WBP4: variants seen among roughly 807,000 people sequenced by gnomAD.
WBP4 encodes the protein WW domain binding protein 4.
WBP4 carries 37 observed loss-of-function variants against 55.4 expected under a neutral mutation model. The ratio of observed to expected loss-of-function variants is 0.67; its 90% CI spans 0.51 to 0.88. The LOEUF is 0.88. Ranked by LOEUF, WBP4 falls within the 40% of genes least tolerant of loss-of-function variation. WBP4 has a pLI of 0.00. For synonymous variants in WBP4, 142 were observed against 140.2 expected (o/e 1.01, Z -0.09); for missense variants, 398 against 420.8 (o/e 0.95, Z 0.47).
rs149213897 is a variant in WBP4 at position 41,070,441 on chromosome 13, C to T, written c.440-1086C>T. 1.5e-3 allele frequency among the ~76,000 whole-genome samples: 222 copies of T among 151,890 alleles called. 1 individual carries two copies. Among genetic ancestry groups the T allele is most frequent in the African/African-American group, 5.0e-3 (206 of 41,406 alleles). On this transcript the variant is annotated intron_variant, in intron 5 of 9. Coordinates refer to ENST00000379487, the MANE Select transcript of WBP4 (RefSeq NM_007187.5). ...GGTAAAACATGCAGTTCTTTGAAGA[C>T]GTCTTAGTAGAGTTAGACTGGAAGG... is the stretch of plus-strand genomic sequence containing the variant.
At position 41,074,178 on chromosome 13, in the gene WBP4, G is replaced by A. The variant is rs963623200; in HGVS notation, c.562+1321G>A. ...GATCTCCTGACCTCGTGATCCGCCC[G>A]CCTCGGCCTCCCAAAGTGCTGGGAT... On this transcript the variant is annotated intron_variant, in intron 7 of 9. Coordinates refer to ENST00000379487, the MANE Select transcript of WBP4 (RefSeq NM_007187.5). Among the ~76,000 whole-genome samples the A allele has an allele frequency of 9.9e-5, 15 of 152,144 alleles. No individual in the cohort carries two copies. In the South Asian group the frequency reaches 1.2e-3, roughly 13 times the overall value.
At chr13:41,071,966 C>G (rs1216006387) in intron 6 of WBP4, among the ~76,000 whole-genome samples, 1 of 151,044 alleles carries the variant, frequency 6.6e-6, no homozygotes, top group Non-Finnish European at 1.5e-5. Flanking sequence ...ATCACTGGGA[C>G]CTGGGGCGGC....
Position 41,068,665 on chromosome 13 carries a change from C to T in WBP4, c.367C>T (p.Pro123Ser). The T allele has an allele frequency of 6.2e-7, 1 of 1,613,614 alleles. No individual in the cohort carries two copies. Among genetic ancestry groups the T allele is most frequent in the Non-Finnish European group, 8.5e-7 (1 of 1,179,836 alleles). Residue 123 changes from proline (P) to serine (S), a missense_variant, in exon 5 of 10, where the codon CCT (proline) becomes TCT (serine). Coordinates refer to ENST00000379487, the MANE Select transcript of WBP4 (RefSeq NM_007187.5). ...AGAAAAGAAGAAAAGAAAAAAAGAT[C>T]CTTCAAAGGGCAGATGGGTAGAAGG... is the stretch of plus-strand genomic sequence containing the variant. ...KKEKKKRKKD[P>S]SKGRWVEGIT...
chr13:41,082,740 T>C lies in WBP4; in HGVS notation c.957T>C (p.Asn319=). The C allele has an allele frequency of 6.2e-7, 1 of 1,613,988 alleles. No individual in the cohort carries two copies. Among genetic ancestry groups the C allele is most frequent in the Non-Finnish European group, 8.5e-7 (1 of 1,179,968 alleles). The stretch of plus-strand genomic sequence containing the variant: ...ATTTGGAACTTCCAAGCACTGAAAA[T>C]GAGTATGTATCAACTTCAGAAGCTG... The part of the protein sequence containing the change: ...EVDLELPSTE[N]EYVSTSEADG... Residue 319 remains asparagine, a synonymous_variant, in exon 10 of 10, where the codon AAT becomes AAC. Transcript: ENST00000379487.
intron 5 of WBP4, among the ~76,000 whole-genome samples, chr13:41,069,300 G>A (rs892008029): frequency 1.3e-5 from 2 of 152,108 alleles, no homozygotes; most frequent in Admixed American, 6.6e-5. Flanking sequence ...GGCCGAGGAG[G>A]GTAGATCACT....
Position 41,076,092 on chromosome 13 carries a change from T to G in WBP4, c.611T>G (p.Leu204Arg), listed in dbSNP as rs770722566. 1 of 1,613,686 alleles carries G rather than the reference T, an allele frequency of 6.2e-7. No individual in the cohort carries two copies. Among genetic ancestry groups the G allele is most frequent in the Non-Finnish European group, 8.5e-7 (1 of 1,179,948 alleles). Residue 204 changes from leucine to arginine, a missense_variant, in exon 8 of 10, where the codon CTG becomes CGG. Coordinates refer to ENST00000379487, the MANE Select transcript of WBP4 (RefSeq NM_007187.5). The part of the protein sequence containing the change: ...PDDFIPHTSD[L>R]PSSKVNENSL... ...GATTTCATTCCACACACTAGTGATCTGCCTTCTAGTAAGGTCAATGAAAAT... is the reference window on the plus strand; with the variant it reads ...GATTTCATTCCACACACTAGTGATCGGCCTTCTAGTAAGGTCAATGAAAAT...
At chr13:41,067,859 C>T (rs1878043555) in intron 4 of WBP4, among the ~76,000 whole-genome samples, 1 of 151,766 alleles carries the variant, frequency 6.6e-6, no homozygotes. Flanking sequence ...TACAGAATAT[C>T]TTAATTTTTA....
chr13:41,077,772 A>G (rs780698039), intron 8 of WBP4, among the ~76,000 whole-genome samples: 10 of 152,324 alleles, frequency 6.6e-5, no homozygotes, highest in Middle Eastern at 3.4e-3. Context: ...GGATTTGATA[A>G]GTGACTTCAG....
intron 1 of WBP4, 53 bp from the exon 2 acceptor site, chr13:41,062,591 T>A: frequency 6.5e-7 from 1 of 1,536,904 alleles, no homozygotes; most frequent in Non-Finnish European, 8.9e-7. Context: ...CATGCAGAAT[T>A]TAACCTTTTT....
chr13:41,067,159 G>A (rs1017323562), intron 4 of WBP4, among the ~76,000 whole-genome samples: 1 of 151,978 alleles, frequency 6.6e-6, no homozygotes, highest in Non-Finnish European at 1.5e-5. Context: ...TTGCCATGTT[G>A]CCCAGGCTGA....
intron 7 of WBP4, among the ~76,000 whole-genome samples, chr13:41,073,999 C>T (rs187053855): frequency 9.3e-5 from 14 of 150,546 alleles, no homozygotes; most frequent in Admixed American, 2.6e-4. Flanking sequence ...GGCACAATCT[C>T]GGCTCACTGC....
chr13:41,064,930 T>C (rs1178529358), intron 2 of WBP4, 86 bp from the exon 3 acceptor site: 2 of 1,235,828 alleles, frequency 1.6e-6, no homozygotes, highest in Non-Finnish European at 2.2e-6. Context: ...TTTAATTTTC[T>C]CATGTTTATG....
intron 4 of WBP4, 66 bp from the exon 5 acceptor site, chr13:41,068,495 T>G: frequency 7.1e-7 from 1 of 1,413,034 alleles, no homozygotes; most frequent in Non-Finnish European, 9.4e-7. Flanking sequence ...ACATTAATGT[T>G]TTATGCCAGC....
chr13:41,064,989 T>C (rs753130024), intron 2 of WBP4, 27 bp from the exon 3 acceptor site: 5 of 1,533,562 alleles, frequency 3.3e-6, no homozygotes, highest in South Asian at 1.3e-5. Flanking sequence ...TAGTTTTCTT[T>C]TGTTATTTTC....
At chr13:41,062,990 A>G (rs112452597) in intron 2 of WBP4, among the ~76,000 whole-genome samples, 1 of 152,182 alleles carries the variant, frequency 6.6e-6, no homozygotes, top group Non-Finnish European at 1.5e-5. Context: ...TGAAGCACCT[A>G]TATTATAATG....
In WBP4 at chr13:41,061,596, A is replaced by C; in HGVS notation, c.-78A>C. On this transcript the variant is annotated 5_prime_UTR_variant, in exon 1 of 10. Transcript: ENST00000379487. ...GTTCGGGTGGGCATCGGGCGGCTGG[A>C]AGAGCTCGACTCGTCCCGCTGGGAA... 2 of 1,612,332 alleles carry C rather than the reference A, an allele frequency of 1.2e-6. No individual in the cohort carries two copies. The highest frequency in any genetic ancestry group is 1.7e-6 in the Non-Finnish European group (2 of 1,179,176).
chr13:41,077,741 A>G (rs1468343445), intron 8 of WBP4, among the ~76,000 whole-genome samples: 1 of 152,188 alleles, frequency 6.6e-6, no homozygotes, highest in Non-Finnish European at 1.5e-5. Context: ...AAAACCCTAA[A>G]GACCCCTCCA....
chr13:41,067,822 A>G (rs1428583609), intron 4 of WBP4, among the ~76,000 whole-genome samples: 1 of 152,156 alleles, frequency 6.6e-6, no homozygotes, highest in South Asian at 2.1e-4. Flanking sequence ...TTTGTCTTAT[A>G]TATGTTTTTT....
intron 5 of WBP4, among the ~76,000 whole-genome samples, chr13:41,070,069 A>T (rs1416316643): frequency 6.6e-6 from 1 of 152,146 alleles, no homozygotes; most frequent in Non-Finnish European, 1.5e-5. Context: ...AAATTTAGCG[A>T]CAAATAAATA....
Sources: allele counts gnomAD v4.1 joint callset (sites outside exome capture counted in the v4.1 genomes callset), GRCh38; gene constraint gnomAD v4.1.1; transcripts MANE v1.5; gene names NCBI Gene and HGNC (gene_info 2026-07-23, HGNC 2026-07-21).